Variants in ARNT2 observed in about 807,000 individuals in gnomAD.
ARNT2 encodes the protein aryl hydrocarbon receptor nuclear translocator 2.
In ARNT2, 36 loss-of-function variants were observed where a neutral mutation model predicts 91.7. The ratio of observed to expected loss-of-function variants is 0.39; its 90% confidence interval spans 0.30 to 0.52. The LOEUF (loss-of-function observed/expected upper bound fraction) is 0.52. ARNT2 is among the 20% of genes least tolerant of loss of function. ARNT2 has a pLI of 0.72. For synonymous variants in ARNT2, 365 were observed against 347.1 expected, an observed-to-expected ratio of 1.05 and a Z score of -0.57; for missense variants, 775 against 939.3, an observed-to-expected ratio of 0.83 and a Z score of 2.29.
At chr15:80,579,441 T>C (rs1898751441) in intron 15 of ARNT2, among the ~76,000 whole-genome samples, 1 of 152,178 alleles carries the variant, frequency 6.6e-6, no homozygotes, top group African/African-American at 2.4e-5. Flanking sequence ...TCAGATAGCA[T>C]AGGAAACTTA....
chr15:80,580,323 C>T (rs1462934663), intron 15 of ARNT2, 88 bp from the exon 16 acceptor site: 1 of 1,517,456 alleles, frequency 6.6e-7, no homozygotes, highest in Non-Finnish European at 9.1e-7. Flanking sequence ...AGGAAGATGG[C>T]CCAGGGCAGA....
intron 3 of ARNT2, among the ~76,000 whole-genome samples, chr15:80,465,161 T>C (rs958682053): frequency 6.6e-6 from 1 of 152,170 alleles, no homozygotes; most frequent in Non-Finnish European, 1.5e-5. Context: ...CATGCACAGT[T>C]TGGTGAATTG....
chr15:80,563,245 TA>T lies in ARNT2; in HGVS notation c.1316+7del, dbSNP rs1352100048. On this transcript the variant is annotated splice_region_variant and intron_variant, in intron 12 of 18. Transcript: ENST00000303329. ...TGCACCAACACCAACGTCAAGTACG[TA>T]CACTGCCATTTCCCTCTCCTGGAAT... 2.5e-6 allele frequency: 4 copies of T among 1,614,096 alleles called. No individual in the cohort carries two copies. Among genetic ancestry groups the T allele is most frequent in the Non-Finnish European group, 3.4e-6 (4 of 1,179,986 alleles).
intron 2 of ARNT2, among the ~76,000 whole-genome samples, chr15:80,453,259 A>G (rs1595969476): frequency 6.6e-6 from 1 of 152,204 alleles, no homozygotes; most frequent in Non-Finnish European, 1.5e-5. Context: ...ATGAGCAGCA[A>G]TTGCTGACAA....
chr15:80,469,505 A>G (rs1305596262), intron 3 of ARNT2, among the ~76,000 whole-genome samples: 1 of 150,488 alleles, frequency 6.6e-6, no homozygotes, highest in East Asian at 1.9e-4. Context: ...AATATTATTT[A>G]TAATATATTA....
chr15:80,517,781 G>A (rs1057418043), intron 8 of ARNT2, among the ~76,000 whole-genome samples: 11 of 152,036 alleles, frequency 7.2e-5, no homozygotes, highest in African/African-American at 2.4e-4. Flanking sequence ...TCAGTTTACT[G>A]ATGAGTCTAC....
chr15:80,414,244 G>C (rs1895744608), intron 1 of ARNT2, among the ~76,000 whole-genome samples: 1 of 152,206 alleles, frequency 6.6e-6, no homozygotes, highest in African/African-American at 2.4e-5. Context: ...CCAGGGAGTA[G>C]GGGTGCTACT....
chr15:80,433,892 G>A (rs1170195435), intron 1 of ARNT2: 6 of 152,196 alleles, frequency 3.9e-5, no homozygotes, highest in African/African-American at 9.7e-5. Context: ...AATGTCAATC[G>A]GCTGAGTGGG....
intron 17 of ARNT2, among the ~76,000 whole-genome samples, chr15:80,585,940 C>T (rs1403611220): frequency 6.6e-6 from 1 of 152,174 alleles, no homozygotes; most frequent in African/African-American, 2.4e-5. Flanking sequence ...CACTCGCTGA[C>T]AAAGGAGAAA....
At chr15:80,520,323 G>A (rs1167923184) in intron 8 of ARNT2, among the ~76,000 whole-genome samples, 2 of 152,042 alleles carry the variant, frequency 1.3e-5, no homozygotes, top group East Asian at 3.8e-4. Context: ...GAAGCAGAAT[G>A]GTATCAGGAA....
intron 11 of ARNT2, among the ~76,000 whole-genome samples, chr15:80,561,484 G>A (rs886764675): frequency 1.3e-5 from 2 of 152,158 alleles, no homozygotes; most frequent in African/African-American, 2.4e-5. Flanking sequence ...ATATGCGTGC[G>A]TATTTCCGTG....
At chr15:80,446,956 T>A (rs1296092872) in intron 1 of ARNT2, among the ~76,000 whole-genome samples, 1 of 152,210 alleles carries the variant, frequency 6.6e-6, no homozygotes, top group Non-Finnish European at 1.5e-5. Flanking sequence ...TTATTCTATT[T>A]GTGATCACTC....
intron 1 of ARNT2, among the ~76,000 whole-genome samples, chr15:80,443,847 G>C (rs961153338): frequency 4.5e-4 from 69 of 152,230 alleles, no homozygotes; most frequent in African/African-American, 1.7e-3. Flanking sequence ...TGACAGACGA[G>C]AGAAGGTTGA....
At chr15:80,444,953 T>G (rs1206698284) in intron 1 of ARNT2, 1 of 150,078 alleles carries the variant, frequency 6.7e-6, no homozygotes, top group Non-Finnish European at 1.5e-5. Context: ...GAGTGGTATG[T>G]GATGTGTTGT....
At chr15:80,451,385 C>T (rs1269259068) in intron 2 of ARNT2, among the ~76,000 whole-genome samples, 1 of 152,256 alleles carries the variant, frequency 6.6e-6, no homozygotes, top group Admixed American at 6.5e-5. Flanking sequence ...TTCTTTCCTC[C>T]TTCAGAGATG....
intron 2 of ARNT2, 83 bp downstream of exon 2, chr15:80,451,077 C>T: frequency 7.7e-7 from 1 of 1,291,548 alleles, no homozygotes; most frequent in Non-Finnish European, 1.1e-6. Context: ...ATTGTTTCTC[C>T]CCTTCCTGTA....
At chr15:80,508,561 C>A (rs1037710004) in intron 6 of ARNT2, among the ~76,000 whole-genome samples, 7 of 152,176 alleles carry the variant, frequency 4.6e-5, no homozygotes, top group Non-Finnish European at 8.8e-5. Flanking sequence ...CTTCTCCAAT[C>A]CAACCTCTCC....
intron 5 of ARNT2, among the ~76,000 whole-genome samples, chr15:80,500,172 A>G (rs1367031829): frequency 6.6e-6 from 1 of 152,164 alleles, no homozygotes; most frequent in Non-Finnish European, 1.5e-5. Context: ...TCCCTGTCCT[A>G]TGGCCTGGTG....
At chr15:80,488,045 A>G (rs1897003149) in intron 5 of ARNT2, among the ~76,000 whole-genome samples, 1 of 152,180 alleles carries the variant, frequency 6.6e-6, no homozygotes, top group African/African-American at 2.4e-5. Flanking sequence ...GCATTAGAGA[A>G]CAAGCCGCTT....
Sources: gnomAD v4.1 joint callset for allele counts (sites outside exome capture counted in the v4.1 genomes callset) on GRCh38, gnomAD v4.1.1 for gene constraint, MANE v1.5 for transcripts, NCBI Gene and HGNC (gene_info 2026-07-23, HGNC 2026-07-21) for gene names.